KLRG1: variants seen among roughly 807,000 people sequenced by gnomAD.
KLRG1 encodes killer cell lectin like receptor G1.
A neutral mutation model predicts 21.8 loss-of-function variants in KLRG1; 16 were observed. The observed-to-expected ratio is 0.73, with a 90% CI of 0.50 to 1.11. The LOEUF (loss-of-function observed/expected upper bound fraction) is 1.11. Ranked by LOEUF, KLRG1 falls within the 50% of genes most tolerant of loss-of-function variation. The pLI, the probability that KLRG1 is intolerant of heterozygous loss-of-function variation, is 0.00. For missense variants in KLRG1, 173 were observed against 218.3 expected, an observed-to-expected ratio of 0.79 and a Z score of 1.31; for synonymous variants, 69 against 75.9, an observed-to-expected ratio of 0.91 and a Z score of 0.47.
At chr12:9,072,921 G>A in the KLRG1 span, 2 of 1,480,676 alleles carry the variant, frequency 1.4e-6, no homozygotes, top group Admixed American at 1.9e-5. Context: ...ATAAGGCTTT[G>A]AGGGCTGAGA....
chr12:8,951,308 C>CAA (rs11441873), intron 1 of KLRG1, among the ~76,000 whole-genome samples: 2,147 of 149,034 alleles, frequency 0.014, 28 homozygotes, highest in Middle Eastern at 0.052. Context: ...CCCCTTCTTT[C>CAA]AAAAAAAAAA....
At chr12:9,081,268 C>T in the KLRG1 span, among the ~76,000 whole-genome samples, 1 of 151,912 alleles carries the variant, frequency 6.6e-6, no homozygotes, top group Non-Finnish European at 1.5e-5. Context: ...TAAATTAAAA[C>T]AACAGCAAAA....
chr12:9,150,274 T>G, the KLRG1 span, among the ~76,000 whole-genome samples: 2 of 152,228 alleles, frequency 1.3e-5, no homozygotes, highest in South Asian at 4.1e-4. Context: ...GTTTTTGTTT[T>G]GTTTTGTGTT....
chr12:9,193,048 AT>A, the KLRG1 span, among the ~76,000 whole-genome samples: 1 of 152,182 alleles, frequency 6.6e-6, no homozygotes, highest in East Asian at 1.9e-4. Context: ...TGGAAAAGGG[AT>A]TTTTCAGATA....
chr12:9,026,978 C>T, the KLRG1 span, among the ~76,000 whole-genome samples: 2 of 151,562 alleles, frequency 1.3e-5, no homozygotes, highest in Non-Finnish European at 2.9e-5. Context: ...GCCTCAACCT[C>T]CTGAGTAGCT....
the KLRG1 span, among the ~76,000 whole-genome samples, chr12:9,129,913 C>T: frequency 6.6e-6 from 1 of 152,110 alleles, no homozygotes; most frequent in African/African-American, 2.4e-5. Context: ...ACAGATTTTC[C>T]GAGCTTTTAT....
At chr12:8,970,125 A>T (rs1946542567) in intron 1 of KLRG1, among the ~76,000 whole-genome samples, 1 of 152,214 alleles carries the variant, frequency 6.6e-6, no homozygotes, top group Non-Finnish European at 1.5e-5. Flanking sequence ...CAAAAAACAA[A>T]ACAAAACAAA....
intron 3 of KLRG1, among the ~76,000 whole-genome samples, chr12:8,998,449 G>A (rs140591552): frequency 2.8e-4 from 42 of 152,094 alleles, no homozygotes; most frequent in African/African-American, 1.0e-3. Context: ...AGCACTTTGC[G>A]AGGCCATGGC....
the KLRG1 span, among the ~76,000 whole-genome samples, chr12:9,107,107 A>G: frequency 6.6e-6 from 1 of 152,066 alleles, no homozygotes; most frequent in East Asian, 1.9e-4. Flanking sequence ...CCTCCTCCAT[A>G]ATATTCAGCT....
the KLRG1 span, among the ~76,000 whole-genome samples, chr12:9,095,250 TC>T: frequency 6.6e-6 from 1 of 152,250 alleles, no homozygotes; most frequent in African/African-American, 2.4e-5. Context: ...GTAATTTTAT[TC>T]TTTTCATTAA....
chr12:9,110,063 C>T, the KLRG1 span: 2 of 1,585,714 alleles, frequency 1.3e-6, no homozygotes, highest in Non-Finnish European at 1.7e-6. Context: ...TTATAACTTA[C>T]AAAAGCACCT....
chr12:8,967,241 C>G (rs1020540185), intron 1 of KLRG1, among the ~76,000 whole-genome samples: 1 of 150,602 alleles, frequency 6.6e-6, no homozygotes, highest in Non-Finnish European at 1.5e-5. Context: ...TGCTAAATGA[C>G]GATTTAATGG....
At chr12:8,998,867 G>T (rs1465516558) in intron 3 of KLRG1, among the ~76,000 whole-genome samples, 8 of 152,180 alleles carry the variant, frequency 5.3e-5, no homozygotes, top group South Asian at 4.2e-4. Context: ...CATACAGAAT[G>T]TACATTGTAT....
chr12:9,202,106 G>A, the KLRG1 span, among the ~76,000 whole-genome samples: 5 of 152,108 alleles, frequency 3.3e-5, no homozygotes, highest in African/African-American at 1.2e-4. Context: ...GCTATTGCCA[G>A]ACTGATTAAA....
the KLRG1 span, among the ~76,000 whole-genome samples, chr12:9,085,244 T>C: frequency 6.6e-6 from 1 of 152,132 alleles, no homozygotes; most frequent in Non-Finnish European, 1.5e-5. Flanking sequence ...AGATAGATCA[T>C]ATTTTAGCCC....
At chr12:9,197,837 TATATA>T in the KLRG1 span, among the ~76,000 whole-genome samples, 1 of 71,036 alleles carries the variant, frequency 1.4e-5, no homozygotes, top group Non-Finnish European at 2.7e-5. Context: ...TATTATACAA[TATATA>T]ATATATAATA....
At chr12:9,169,121 T>C in the KLRG1 span, 1 of 611,994 alleles carries the variant, frequency 1.6e-6, no homozygotes, top group Non-Finnish European at 2.8e-6. Flanking sequence ...AGTAGTGAAA[T>C]TACTAAACTT....
the KLRG1 span, chr12:9,153,106 T>C: frequency 1.2e-6 from 2 of 1,612,894 alleles, no homozygotes; most frequent in African/African-American, 1.3e-5. Context: ...CTCTCACCCA[T>C]ATAAGCTTGG....
the KLRG1 span, chr12:9,157,350 A>AGGGTTCT: frequency 6.2e-7 from 1 of 1,612,304 alleles, no homozygotes; most frequent in Non-Finnish European, 8.5e-7. Context: ...TGCGAACAAT[A>AGGGTTCT]GGGTTCTGTA....
Sources: gnomAD v4.1 joint callset for allele counts (sites outside exome capture counted in the v4.1 genomes callset) on GRCh38, gnomAD v4.1.1 for gene constraint, MANE v1.5 for transcripts, NCBI Gene and HGNC (gene_info 2026-07-23, HGNC 2026-07-21) for gene names.